The following PAMR1 variants were observed in gnomAD, a reference collection of about 807,000 sequenced individuals.
The protein encoded by PAMR1 is inactive serine protease PAMR1.
In PAMR1, 88 loss-of-function variants were observed where a neutral mutation model predicts 81.8. The ratio of observed to expected loss-of-function variants is 1.08; its 90% CI spans 0.91 to 1.28. PAMR1 has a LOEUF of 1.28. Among genes scored for constraint, PAMR1 ranks in the 50% most tolerant of loss-of-function variants. The probability of loss-of-function intolerance (pLI) is 0.00; values close to 1 mark genes in which losing one functional copy is unlikely to be tolerated. For missense variants in PAMR1, 935 were observed against 919.7 expected, an observed-to-expected ratio of 1.02 and a Z score of -0.21; for synonymous variants, 336 against 345.3, an observed-to-expected ratio of 0.97 and a Z score of 0.30.
At chr11:35,529,353 TG>T (rs770704874), upstream of PAMR1, among the ~76,000 whole-genome samples, 1 of 152,218 alleles carries the variant, frequency 6.6e-6, no homozygotes, top group Non-Finnish European at 1.5e-5. Context: ...TTCTCAGATT[TG>T]GGGAAAGTGA....
Position 35,435,958 on chromosome 11 carries a change from C to T in PAMR1, c.1278G>A (p.Arg426=), listed in dbSNP as rs748184583. ...ACTTCCCAGTCCTCAGACATGTCCT[C>T]CTGCTGCTGCCCAGGCGGCGGTAGA... is the stretch of plus-strand genomic sequence containing the variant. ...SPFYRRLGSS[R]RTCLRTGKWS... Residue 426 remains arginine (R), a synonymous_variant, in exon 9 of 11, where the codon AGG becomes AGA. Transcript: ENST00000619888. 1.9e-6 allele frequency: 3 copies of T among 1,614,094 alleles called. No individual in the cohort carries two copies. The highest frequency in any genetic ancestry group is 2.5e-6 in the Non-Finnish European group (3 of 1,180,050).
chr11:35,433,310 T>A (rs1231077413), intron 10 of PAMR1, among the ~76,000 whole-genome samples: 1 of 152,242 alleles, frequency 6.6e-6, no homozygotes, highest in Non-Finnish European at 1.5e-5. Flanking sequence ...TTCAGCACCA[T>A]CAAGGCACAA....
chr11:35,444,210 A>T (rs1856244479), intron 6 of PAMR1, among the ~76,000 whole-genome samples: 1 of 151,942 alleles, frequency 6.6e-6, no homozygotes, highest in South Asian at 2.1e-4. Context: ...TTTCTTGTAA[A>T]GTTGTTTAAT....
chr11:35,499,709 T>A (rs1850794627), intron 1 of PAMR1, among the ~76,000 whole-genome samples: 1 of 152,112 alleles, frequency 6.6e-6, no homozygotes, highest in Admixed American at 6.5e-5. Flanking sequence ...ATAGATAAGA[T>A]CCATTTCTCT....
rs748132357 is a variant in PAMR1 at position 35,432,464 on chromosome 11, C to T, written c.2055G>A (p.Leu685=). 3.7e-6 allele frequency: 6 copies of T among 1,614,124 alleles called. No individual in the cohort carries two copies. In the South Asian group the frequency reaches 4.4e-5, roughly 12 times the overall value. ...CATAGCTCCAGCTGACCAGTCCCATCAGATGCCAGCGTGGCTCAGGAGATG... is the reference window on the plus strand; with the variant it reads ...CATAGCTCCAGCTGACCAGTCCCATTAGATGCCAGCGTGGCTCAGGAGATG... ...GRASPEPRWH[L]MGLVSWSYDK... Residue 685 remains leucine (L), a synonymous_variant, in exon 11 of 11, where the codon CTG becomes CTA. Transcript: ENST00000619888.
chr11:35,451,588 T>C (rs1565331469), intron 6 of PAMR1, among the ~76,000 whole-genome samples: 1 of 152,224 alleles, frequency 6.6e-6, no homozygotes, highest in African/African-American at 2.4e-5. Context: ...TTATTTGGTT[T>C]TAAGTTATTG....
At chr11:35,454,738 T>C (rs1385824101) in intron 6 of PAMR1, among the ~76,000 whole-genome samples, 3 of 152,138 alleles carry the variant, frequency 2.0e-5, no homozygotes, top group African/African-American at 7.2e-5. Context: ...TGTGCAGCAC[T>C]CCTAGGCAGT....
At chr11:35,447,854 T>A (rs1187125327) in intron 6 of PAMR1, among the ~76,000 whole-genome samples, 1 of 152,206 alleles carries the variant, frequency 6.6e-6, no homozygotes, top group Non-Finnish European at 1.5e-5. Flanking sequence ...ACAAATTCCC[T>A]CAGCATTTGC....
At chr11:35,520,569 C>T (rs1448949344) in intron 1 of PAMR1, among the ~76,000 whole-genome samples, 2 of 152,094 alleles carry the variant, frequency 1.3e-5, no homozygotes, top group Non-Finnish European at 2.9e-5. Flanking sequence ...GGTTCTCTGC[C>T]CTGGAATTTA....
At chr11:35,464,142 A>G (rs1856714611) in intron 6 of PAMR1, among the ~76,000 whole-genome samples, 1 of 152,242 alleles carries the variant, frequency 6.6e-6, no homozygotes, top group Non-Finnish European at 1.5e-5. Flanking sequence ...AAATATTTCT[A>G]TGTATGAACA....
chr11:35,440,368 C>G (rs1856140036), intron 7 of PAMR1, among the ~76,000 whole-genome samples: 1 of 152,190 alleles, frequency 6.6e-6, no homozygotes, highest in African/African-American at 2.4e-5. Flanking sequence ...TGACACCGTT[C>G]CCATACTTAA....
upstream of PAMR1, among the ~76,000 whole-genome samples, chr11:35,529,536 C>A (rs1346471669): frequency 7.9e-5 from 12 of 152,212 alleles, no homozygotes; most frequent in Non-Finnish European, 5.9e-5. Context: ...TACCTGTGTA[C>A]ACTTGGGCAT....
intron 6 of PAMR1, among the ~76,000 whole-genome samples, chr11:35,467,443 G>T (rs1053611977): frequency 6.6e-6 from 1 of 152,164 alleles, no homozygotes; most frequent in Admixed American, 6.5e-5. Context: ...CCTGTTTTCG[G>T]TCTGGTAACC....
At chr11:35,476,708 A>G (rs562658546) in intron 3 of PAMR1, among the ~76,000 whole-genome samples, 3 of 152,280 alleles carry the variant, frequency 2.0e-5, no homozygotes, top group South Asian at 4.1e-4. Context: ...CACCTTTTAA[A>G]TAAATTAATC....
chr11:35,457,589 C>T (rs1179379201), intron 6 of PAMR1, among the ~76,000 whole-genome samples: 1 of 152,174 alleles, frequency 6.6e-6, no homozygotes, highest in East Asian at 1.9e-4. Flanking sequence ...ATTAAGTTAG[C>T]TCCTCAAGGA....
intron 3 of PAMR1, among the ~76,000 whole-genome samples, chr11:35,480,056 C>T (rs1311319993): frequency 6.6e-6 from 1 of 152,172 alleles, no homozygotes. Context: ...ATTGAATTGT[C>T]TGCCTCCCCC....
intron 1 of PAMR1, among the ~76,000 whole-genome samples, chr11:35,515,840 CT>C (rs11372909): frequency 4.6e-5 from 7 of 151,320 alleles, no homozygotes; most frequent in South Asian, 2.1e-4. Flanking sequence ...TTGGGATTCT[CT>C]TTTTTTTTCT....
intron 6 of PAMR1, among the ~76,000 whole-genome samples, chr11:35,449,181 T>G (rs541439979): frequency 3.3e-5 from 5 of 152,156 alleles, no homozygotes; most frequent in Non-Finnish European, 7.3e-5. Flanking sequence ...TGCACTGCAC[T>G]GGGGGAAATC....
chr11:35,479,302 C>G (rs1269404633), intron 3 of PAMR1, among the ~76,000 whole-genome samples: 1 of 152,120 alleles, frequency 6.6e-6, no homozygotes, highest in African/African-American at 2.4e-5. Flanking sequence ...AGTTCGGCCA[C>G]TTACTAGTTG....
Sources: allele counts gnomAD v4.1 joint callset (sites outside exome capture counted in the v4.1 genomes callset), GRCh38; gene constraint gnomAD v4.1.1; transcripts MANE v1.5; gene names NCBI Gene and HGNC (gene_info 2026-07-23, HGNC 2026-07-21).